The following PLEKHG7 variants were observed in gnomAD, a reference collection of about 807,000 sequenced individuals.
PLEKHG7 encodes pleckstrin homology and RhoGEF domain containing G7, also known as pleckstrin homology domain-containing family G member 7.
PLEKHG7 carries 77 observed loss-of-function variants against 85.2 expected under a neutral mutation model. The observed-to-expected ratio is 0.90, with a 90% CI of 0.75 to 1.09. PLEKHG7 has a LOEUF of 1.09. Ranked by LOEUF, PLEKHG7 falls within the 50% of genes least tolerant of loss-of-function variation. The pLI is 0.00. For missense variants in PLEKHG7, 777 were observed against 804.3 expected (o/e 0.97, Z 0.41); for synonymous variants, 301 against 302.4 (o/e 1.00, Z 0.05).
At chr12:92,708,872 G>A (rs1871312299) in intron 3 of PLEKHG7, among the ~76,000 whole-genome samples, 1 of 152,176 alleles carries the variant, frequency 6.6e-6, no homozygotes, top group South Asian at 2.1e-4. Context: ...AATGTTACAT[G>A]GCAAAGTGTA....
At chr12:92,707,197 T>G in intron 2 of PLEKHG7, 59 bp downstream of exon 2, 4 of 1,543,688 alleles carry the variant, frequency 2.6e-6, no homozygotes, top group Non-Finnish European at 3.5e-6. Flanking sequence ...AAAATAGATC[T>G]CAGAGTTGCT....
intron 7 of PLEKHG7, among the ~76,000 whole-genome samples, chr12:92,738,371 A>G (rs922179824): frequency 6.6e-6 from 1 of 152,168 alleles, no homozygotes; most frequent in African/African-American, 2.4e-5. Flanking sequence ...CATCCTGGTG[A>G]CTGTCTTACA....
chr12:92,721,324 C>T (rs1275486728), intron 3 of PLEKHG7: 12 of 536,668 alleles, frequency 2.2e-5, no homozygotes, highest in Non-Finnish European at 3.1e-5. Context: ...GGGTGCACGG[C>T]CTGCTCAGCA....
chr12:92,749,906 C>A lies in PLEKHG7; in HGVS notation c.1252-4184C>A, dbSNP rs867585454. 3.5e-3 allele frequency among the ~76,000 whole-genome samples: 219 copies of A among 61,772 alleles called. 1 individual carries two copies. Among genetic ancestry groups the A allele is most frequent in the African/African-American group, 0.015 (204 of 13,382 alleles). The allele number at this position is 61,772 out of a possible 152,430, so 40.5% of individuals were successfully genotyped here. A position where few individuals can be genotyped will look rare whatever the true frequency, so the allele number is the denominator to read the frequency against. ...TTTTTTATTTTATTTTATTTTATTTCATTTATTTTATTTTATTTTATTTAT... is the reference window on the plus strand; with the variant it reads ...TTTTTTATTTTATTTTATTTTATTTAATTTATTTTATTTTATTTTATTTAT... On this transcript the variant is annotated intron_variant, in intron 10 of 16. Coordinates refer to ENST00000344636, the MANE Select transcript of PLEKHG7 (RefSeq NM_001377329.1).
At position 92,761,623 on chromosome 12, in the gene PLEKHG7, G is replaced by GAAAGAAAGAAAGAAAGAAAGAAA. The variant is rs878936959; in HGVS notation, c.1637-127_1637-126insAGAAAGAAAGAAAGAAAGAAAAA. On this transcript the variant is annotated intron_variant, in intron 13 of 16. Coordinates refer to ENST00000344636, the MANE Select transcript of PLEKHG7 (RefSeq NM_001377329.1). ...AAAGAAAGAAAAAGAAAGAAAGAAA[G>GAAAGAAAGAAAGAAAGAAAGAAA]AAGAAAGAAAGAAAGAAAGAAAGAA... 4 of 710,340 alleles carry GAAAGAAAGAAAGAAAGAAAGAAA rather than the reference G, an allele frequency of 5.6e-6. No individual in the cohort carries two copies. The African/African-American group carries it at 9.1e-5, about 16-fold the overall frequency. The allele number at this position is 710,340 out of a possible 1,614,324, so 44.0% of individuals were successfully genotyped here. A position where few individuals can be genotyped will look rare whatever the true frequency, so the allele number is the denominator to read the frequency against.
intron 7 of PLEKHG7, among the ~76,000 whole-genome samples, chr12:92,740,562 TGGCAC>T (rs1484292520): frequency 6.6e-6 from 1 of 152,212 alleles, no homozygotes. Flanking sequence ...GGGATTTCTT[TGGCAC>T]TAGAAGTAGA....
chr12:92,734,419 A>G (rs957932530), intron 5 of PLEKHG7, among the ~76,000 whole-genome samples: 4 of 152,276 alleles, frequency 2.6e-5, no homozygotes, highest in African/African-American at 9.6e-5. Context: ...ATTCTTGTTT[A>G]TGCATGTCAG....
chr12:92,749,999 A>ATTATTTTATTTTATTATT (rs1565794591), intron 10 of PLEKHG7, among the ~76,000 whole-genome samples: 80 of 93,630 alleles, frequency 8.5e-4, no homozygotes, highest in Admixed American at 1.6e-3. Context: ...ATTTTATTTT[A>ATTATTTTATTTTATTATT]TTATTTTATT....
chr12:92,727,564 T>G (rs769201253), intron 3 of PLEKHG7, among the ~76,000 whole-genome samples: 10 of 152,102 alleles, frequency 6.6e-5, no homozygotes, highest in Non-Finnish European at 1.5e-4. Flanking sequence ...TCCAGCTCCA[T>G]CCATGTTGCT....
At position 92,754,131 on chromosome 12, in the gene PLEKHG7, A is replaced by T. The variant is rs9669519; in HGVS notation, c.1293A>T (p.Pro431=). The T allele has an allele frequency of 0.53, 847,970 of 1,613,568 alleles. 230,475 individuals carry two copies. Among genetic ancestry groups the T allele is most frequent in the East Asian group, 0.93 (41,632 of 44,848 alleles). ...QNEQCRRLHV[P]ELLVAPLQRL... is the part of the protein sequence containing the mutation. ...AACAATGCAGACGGCTCCACGTGCCAGAGCTGCTAGTGGCCCCACTACAGA... is the reference window on the plus strand; with the variant it reads ...AACAATGCAGACGGCTCCACGTGCCTGAGCTGCTAGTGGCCCCACTACAGA... The change falls in exon 11 of 17, where the codon CCA becomes CCT. Residue 431 remains proline, a synonymous_variant. Transcript: ENST00000344636.
chr12:92,705,023 A>G (rs1871193621), intron 1 of PLEKHG7, among the ~76,000 whole-genome samples: 1 of 152,228 alleles, frequency 6.6e-6, no homozygotes, highest in Admixed American at 6.5e-5. Context: ...CTAACAACCT[A>G]TTAATTATCT....
intron 9 of PLEKHG7, 47 bp from the exon 10 acceptor site, chr12:92,745,431 T>G: frequency 7.8e-7 from 1 of 1,275,222 alleles, no homozygotes; most frequent in Non-Finnish European, 1.1e-6. Flanking sequence ...GGCTCAATGC[T>G]CTCCTTAACT....
chr12:92,761,623 GAAGAA>G lies in PLEKHG7; in HGVS notation c.1637-127_1637-123del, dbSNP rs1555196571. On this transcript the variant is annotated intron_variant, in intron 13 of 16. Coordinates refer to ENST00000344636, the MANE Select transcript of PLEKHG7 (RefSeq NM_001377329.1). ...AAAGAAAGAAAAAGAAAGAAAGAAA[GAAGAA>G]AGAAAGAAAGAAAGAAAGAAAGAAA... 4.8e-4 allele frequency: 343 copies of G among 718,940 alleles called. 1 individual carries two copies. The highest frequency in any genetic ancestry group is 1.1e-3 in the Admixed American group (21 of 18,712). The allele number at this position is 718,940 out of a possible 1,614,324, so 44.5% of individuals were successfully genotyped here. A position where few individuals can be genotyped will look rare whatever the true frequency, so the allele number is the denominator to read the frequency against.
intron 10 of PLEKHG7, chr12:92,749,833 A>G (rs1214806154): frequency 6.6e-6 from 1 of 151,200 alleles, no homozygotes; most frequent in Non-Finnish European, 1.5e-5. Flanking sequence ...GCTGCATCCC[A>G]CTAAGACAAA....
chr12:92,706,419 G>T (rs1440389958), intron 1 of PLEKHG7, 52 bp from the exon 2 acceptor site: 2 of 538,118 alleles, frequency 3.7e-6, no homozygotes, highest in Non-Finnish European at 6.2e-6. Context: ...TTTTCTCACT[G>T]CAGTCTCCCT....
Position 92,707,105 on chromosome 12 carries a change from G to C in PLEKHG7, c.474G>C (p.Leu158=), listed in dbSNP as rs764089591. 6.2e-7 allele frequency: 1 copy of C among 1,613,718 alleles called. No homozygotes were observed. The highest frequency in any genetic ancestry group is 1.1e-5 in the South Asian group (1 of 91,066). ...ASLRQQEGHF[L]PSPTLRHPSP... ...TTCGGCAGCAAGAAGGCCACTTCCT[G>C]CCCAGCCCCACCCTACGACACCCTA... The change falls in exon 2 of 17, where the codon CTG becomes CTC. Residue 158 remains leucine (L), a synonymous_variant. Coordinates refer to ENST00000344636, the MANE Select transcript of PLEKHG7 (RefSeq NM_001377329.1).
At chr12:92,728,945 T>C in intron 3 of PLEKHG7, 48 bp from the exon 4 acceptor site, 1 of 1,205,102 alleles carries the variant, frequency 8.3e-7, no homozygotes, top group Non-Finnish European at 1.0e-6. Context: ...TTCTGAGTGG[T>C]CTAAGATGAT....
intron 14 of PLEKHG7, among the ~76,000 whole-genome samples, chr12:92,763,338 T>C (rs1873091196): frequency 1.3e-5 from 2 of 152,212 alleles, no homozygotes. Context: ...AAGAATTCAG[T>C]ATTAGATCCC....
At chr12:92,731,255 G>A (rs527385628) in intron 4 of PLEKHG7, among the ~76,000 whole-genome samples, 16 of 152,266 alleles carry the variant, frequency 1.1e-4, no homozygotes, top group African/African-American at 3.1e-4. Flanking sequence ...TGTGCCTAAG[G>A]GAGAGTCCAC....
Sources: gnomAD v4.1 joint callset for allele counts (sites outside exome capture counted in the v4.1 genomes callset) on GRCh38, gnomAD v4.1.1 for gene constraint, MANE v1.5 for transcripts, NCBI Gene and HGNC (gene_info 2026-07-23, HGNC 2026-07-21) for gene names.